TMOD2: variants seen among roughly 807,000 people sequenced by gnomAD.
The protein encoded by TMOD2 is tropomodulin 2, also known as tropomodulin-2.
In TMOD2, 22 loss-of-function variants were observed where a neutral mutation model predicts 39.9. The ratio of observed to expected loss-of-function variants is 0.55; its 90% CI spans 0.39 to 0.79. The LOEUF is 0.79. Ranked by LOEUF, TMOD2 falls within the 30% of genes least tolerant of loss-of-function variation. The probability of loss-of-function intolerance (pLI) is 0.00; values close to 1 mark genes in which losing one functional copy is unlikely to be tolerated. For missense variants in TMOD2, 386 were observed against 413.3 expected (o/e 0.93, Z 0.57); for synonymous variants, 123 against 146.1 (o/e 0.84, Z 1.14).
intron 5 of TMOD2, among the ~76,000 whole-genome samples, chr15:51,777,277 A>G (rs1369366344): frequency 2.6e-5 from 4 of 152,192 alleles, no homozygotes; most frequent in African/African-American, 9.7e-5. Context: ...TTGTTGATAT[A>G]TGGGTCTGCA....
chr15:51,806,693 G>C (rs773488017), intron 9 of TMOD2, among the ~76,000 whole-genome samples, 172 bp downstream of exon 9: 2 of 152,106 alleles, frequency 1.3e-5, no homozygotes, highest in Admixed American at 1.3e-4. Context: ...TGTGGTCCTC[G>C]CAGTGTTAAG....
chr15:51,773,675 T>C, intron 3 of TMOD2, 37 bp from the exon 4 acceptor site: 1 of 1,575,802 alleles, frequency 6.3e-7, no homozygotes, highest in Non-Finnish European at 8.6e-7. Flanking sequence ...AATAAGGCAG[T>C]AGTACTCAAT....
At chr15:51,806,319 G>A (rs2056121006) in intron 8 of TMOD2, 58 bp from the exon 9 acceptor site, 1 of 1,596,750 alleles carries the variant, frequency 6.3e-7, no homozygotes, top group Non-Finnish European at 8.6e-7. Flanking sequence ...TCCTGTGCAA[G>A]TAACTGTTTC....
chr15:51,802,607 A>G (rs968398109), intron 8 of TMOD2, among the ~76,000 whole-genome samples: 3 of 152,256 alleles, frequency 2.0e-5, no homozygotes, highest in Non-Finnish European at 4.4e-5. Flanking sequence ...ATCCAAGTCC[A>G]GGACTCAAAT....
At chr15:51,756,931 A>G (rs768777756) in intron 1 of TMOD2, among the ~76,000 whole-genome samples, 1 of 152,214 alleles carries the variant, frequency 6.6e-6, no homozygotes, top group Non-Finnish European at 1.5e-5. Flanking sequence ...GCTGTGTTAT[A>G]TTTGCCCAGC....
intron 3 of TMOD2, among the ~76,000 whole-genome samples, chr15:51,769,642 C>T (rs867567461): frequency 1.3e-5 from 2 of 152,330 alleles, no homozygotes; most frequent in African/African-American, 4.8e-5. Context: ...TATCAATAGC[C>T]TGTCCAGCTT....
chr15:51,810,160 TTCCCTTTC>T lies in TMOD2; in HGVS notation c.*1707_*1714del, dbSNP rs2056146780. On this transcript the variant is annotated 3_prime_UTR_variant, in exon 10 of 10. Transcript: ENST00000249700. ...TTATGGTTTTCAGTCTGATTTTTCCTTCCCTTTCACCCATTTAGGTGTGATGTGTTGGA... is the reference window on the plus strand; with the variant it reads ...TTATGGTTTTCAGTCTGATTTTTCCTACCCATTTAGGTGTGATGTGTTGGA... The T allele has an allele frequency of 1.3e-5, 2 of 152,214 alleles. No homozygotes were observed. Among genetic ancestry groups the T allele is most frequent in the South Asian group, 4.1e-4 (2 of 4,834 alleles). The allele number at this position is 152,214 out of a possible 1,614,324, so 9.4% of individuals were successfully genotyped here. A position where few individuals can be genotyped will look rare whatever the true frequency, so the allele number is the denominator to read the frequency against.
At chr15:51,764,484 G>A (rs17705530) in intron 1 of TMOD2, among the ~76,000 whole-genome samples, 2,558 of 152,194 alleles carry the variant, frequency 0.017, 91 homozygotes, top group Admixed American at 0.073. Context: ...AGCCAGTCTC[G>A]TTCCATGCCA....
rs1186038152 is a variant in TMOD2 at position 51,815,262 on chromosome 15, C to G, written c.*6808C>G. On this transcript the variant is annotated 3_prime_UTR_variant, in exon 10 of 10. Coordinates refer to ENST00000249700, the MANE Select transcript of TMOD2 (RefSeq NM_014548.4). ...GGGTGACAAGAACGAAACTCCATCT[C>G]AAAAAATAAAATAAAATATATACTA... 1 of 157,144 alleles carries G rather than the reference C, an allele frequency of 6.4e-6. No individual in the cohort carries two copies. The highest frequency in any genetic ancestry group is 6.5e-5 in the Admixed American group (1 of 15,380). 9.7% of individuals were successfully genotyped at this position (157,144 alleles called of 1,614,324 possible).
At chr15:51,779,708 T>C (rs956799923) in intron 5 of TMOD2, among the ~76,000 whole-genome samples, 1 of 151,570 alleles carries the variant, frequency 6.6e-6, no homozygotes, top group Non-Finnish European at 1.5e-5. Flanking sequence ...TGAGACAGGG[T>C]CTCATTCTGT....
intron 6 of TMOD2, among the ~76,000 whole-genome samples, chr15:51,782,453 T>C (rs1252531964): frequency 6.6e-6 from 1 of 152,198 alleles, no homozygotes; most frequent in Non-Finnish European, 1.5e-5. Flanking sequence ...GAGGGAAGTA[T>C]AGTATCTGCA....
intron 1 of TMOD2, among the ~76,000 whole-genome samples, chr15:51,763,101 ATTT>A (rs35778387): frequency 1.2e-4 from 18 of 149,478 alleles, no homozygotes; most frequent in East Asian, 4.0e-4. Context: ...TGCCCAGCTA[ATTT>A]TTAAAAAAAA....
chr15:51,754,568 T>C (rs1189325493), intron 1 of TMOD2, among the ~76,000 whole-genome samples: 1 of 152,252 alleles, frequency 6.6e-6, no homozygotes, highest in African/African-American at 2.4e-5. Context: ...TGTGTTTATG[T>C]ATACATGAAA....
At chr15:51,792,251 CAT>C (rs1158788779) in intron 7 of TMOD2, among the ~76,000 whole-genome samples, 8 of 152,254 alleles carry the variant, frequency 5.3e-5, no homozygotes, top group African/African-American at 7.2e-5. Context: ...AGCCAACAGA[CAT>C]ATGAAAAAAT....
chr15:51,761,856 A>G (rs943919832), intron 1 of TMOD2, among the ~76,000 whole-genome samples: 5 of 151,528 alleles, frequency 3.3e-5, no homozygotes, highest in South Asian at 2.1e-4. Context: ...TCTTAAAAAT[A>G]CAAATTTTTG....
At chr15:51,801,237 T>TCACACACACACACACA (rs546562505) in intron 8 of TMOD2, among the ~76,000 whole-genome samples, 14 of 102,128 alleles carry the variant, frequency 1.4e-4, no homozygotes, top group African/African-American at 4.8e-4. Context: ...TCTCTCTCTC[T>TCACACACACACACACA]CACACACACA....
At position 51,773,764 on chromosome 15, in the gene TMOD2, A is replaced by G. The variant is rs2055869282; in HGVS notation, c.336A>G (p.Lys112=). 6.2e-7 allele frequency: 1 copy of G among 1,613,482 alleles called. No individual in the cohort carries two copies. Among genetic ancestry groups the G allele is most frequent in the Admixed American group, 1.7e-5 (1 of 59,876 alleles). The part of the protein sequence containing the change: ...EKPIETRKEE[K]VTLDPELEEA... ...CTATAGAAACTCGTAAAGAAGAAAA[A>G]GTGACCCTTGACCCAGAACTGGAAG... is the stretch of plus-strand genomic sequence containing the variant. Residue 112 remains lysine, a synonymous_variant, in exon 4 of 10, where the codon AAA becomes AAG. Transcript: ENST00000249700.
intron 7 of TMOD2, among the ~76,000 whole-genome samples, chr15:51,788,344 A>G (rs12324901): frequency 0.03 from 4,611 of 152,308 alleles, 239 homozygotes; most frequent in African/African-American, 0.1. Context: ...AAAGAAACGA[A>G]CAAAGCCTCC....
chr15:51,791,856 C>T (rs186545191), intron 7 of TMOD2, among the ~76,000 whole-genome samples: 2 of 152,308 alleles, frequency 1.3e-5, no homozygotes, highest in East Asian at 3.9e-4. Context: ...AAAATAAACT[C>T]AAGATGGATC....
Sources: gnomAD v4.1 joint callset for allele counts (sites outside exome capture counted in the v4.1 genomes callset) on GRCh38, gnomAD v4.1.1 for gene constraint, MANE v1.5 for transcripts, NCBI Gene and HGNC (gene_info 2026-07-23, HGNC 2026-07-21) for gene names.